Variants in GRIP1 observed in about 807,000 individuals in gnomAD.
The protein encoded by GRIP1 is glutamate receptor-interacting protein 1.
A neutral mutation model predicts 129.9 loss-of-function variants in GRIP1; 45 were observed. The ratio of observed to expected loss-of-function variants is 0.35; its 90% CI spans 0.27 to 0.44. The LOEUF is 0.44. Ranked by LOEUF, GRIP1 falls within the 20% of genes least tolerant of loss-of-function variation. The pLI, the probability that GRIP1 is intolerant of heterozygous loss-of-function variation, is 1.00. For missense variants in GRIP1, 1,196 were observed against 1,396.8 expected (o/e 0.86, Z 2.29); for synonymous variants, 530 against 520.8 (o/e 1.02, Z -0.24).
intron 11 of GRIP1, among the ~76,000 whole-genome samples, chr12:66,447,592 T>C (rs1319572615): frequency 2.0e-5 from 3 of 152,120 alleles, no homozygotes; most frequent in Admixed American, 6.5e-5. Flanking sequence ...CTTCCTTTTT[T>C]CCCCCACTAC....
chr12:66,662,612 G>C lies in GRIP1; in HGVS notation c.55+16238C>G, dbSNP rs148205576. Among the ~76,000 whole-genome samples, 3 of 152,158 alleles carry C rather than the reference G, an allele frequency of 2.0e-5. No homozygotes were observed. The East Asian group carries it at 5.8e-4, about 29-fold the overall frequency. On this transcript the variant is annotated intron_variant, in intron 1 of 24. Coordinates refer to ENST00000359742, the MANE Select transcript of GRIP1 (RefSeq NM_001366722.1). ...TCCATATTTTGTGGTATACAAGCCC[G>C]TCCCTTCCTAGGATTTGGTAAGAAC...
chr12:67,057,138 C>A (rs1356013665), intron 1 of GRIP1, among the ~76,000 whole-genome samples: 1 of 152,000 alleles, frequency 6.6e-6, no homozygotes, highest in Non-Finnish European at 1.5e-5. Context: ...TATGTGGCCC[C>A]CAAATTCATA....
intron 1 of GRIP1, among the ~76,000 whole-genome samples, chr12:67,012,431 A>G (rs987561215): frequency 1.3e-5 from 2 of 152,136 alleles, no homozygotes; most frequent in Non-Finnish European, 2.9e-5. Flanking sequence ...TCTAGGACAA[A>G]CTTTTGCATT....
intron 4 of GRIP1, among the ~76,000 whole-genome samples, chr12:66,533,609 C>T (rs4913321): frequency 0.093 from 14,086 of 152,062 alleles, 750 homozygotes; most frequent in East Asian, 0.24. Context: ...TGTGCCACTG[C>T]ACTCCGGCCT....
chr12:66,607,512 T>C (rs1349867416), intron 1 of GRIP1, among the ~76,000 whole-genome samples: 2 of 152,334 alleles, frequency 1.3e-5, no homozygotes, highest in Non-Finnish European at 2.9e-5. Flanking sequence ...GCTTACAATA[T>C]TTCAAACCTT....
At chr12:66,683,403 T>C (rs1304658525), upstream of GRIP1, among the ~76,000 whole-genome samples, 1 of 152,112 alleles carries the variant, frequency 6.6e-6, no homozygotes, top group Non-Finnish European at 1.5e-5. Flanking sequence ...TGAAGGACTA[T>C]TAAAAAAGCA....
At chr12:66,943,058 C>T (rs1020359188) in intron 1 of GRIP1, among the ~76,000 whole-genome samples, 1 of 152,050 alleles carries the variant, frequency 6.6e-6, no homozygotes, top group Non-Finnish European at 1.5e-5. Context: ...TCTAATAGCC[C>T]CAATGGACTA....
At chr12:66,409,674 G>A (rs558293229) in intron 15 of GRIP1, among the ~76,000 whole-genome samples, 15 of 152,106 alleles carry the variant, frequency 9.9e-5, no homozygotes, top group Non-Finnish European at 2.1e-4. Context: ...GAGAAAACAC[G>A]ACCTCACCAA....
chr12:66,977,700 A>C (rs182307057), intron 1 of GRIP1, among the ~76,000 whole-genome samples: 1 of 148,908 alleles, frequency 6.7e-6, no homozygotes, highest in Non-Finnish European at 1.5e-5. Flanking sequence ...TCTCATTGTT[A>C]TGTTGTTGCA....
chr12:67,026,458 TC>T (rs1387834619), intron 1 of GRIP1, among the ~76,000 whole-genome samples: 1 of 152,218 alleles, frequency 6.6e-6, no homozygotes, highest in Non-Finnish European at 1.5e-5. Flanking sequence ...AATAACCGTA[TC>T]TCCTCCCTCA....
At position 66,401,445 on chromosome 12, in the gene GRIP1, G is replaced by C. The variant is rs1197007299; in HGVS notation, c.1984+4838C>G. ...ATACAAAAAATTAGCTGGGCATGGT[G>C]GTGGACACCTGTAATCCCAGCTACT... On this transcript the variant is annotated intron_variant, in intron 16 of 24. Coordinates refer to ENST00000359742, the MANE Select transcript of GRIP1 (RefSeq NM_001366722.1). 2.6e-5 allele frequency among the ~76,000 whole-genome samples: 4 copies of C among 151,888 alleles called. No individual in the cohort carries two copies. The East Asian group carries it at 7.8e-4, about 29-fold the overall frequency.
chr12:66,802,903 A>T (rs1194372691), intron 1 of GRIP1, among the ~76,000 whole-genome samples: 1 of 152,222 alleles, frequency 6.6e-6, no homozygotes, highest in East Asian at 1.9e-4. Flanking sequence ...AAAGAGAAAC[A>T]TCTCTAAAAC....
intron 2 of GRIP1, among the ~76,000 whole-genome samples, chr12:66,577,251 G>A (rs2063169742): frequency 6.6e-6 from 1 of 152,198 alleles, no homozygotes; most frequent in African/African-American, 2.4e-5. Context: ...CCAGTGGGTA[G>A]CGGTTCAAGA....
chr12:66,908,032 T>C (rs2040964030), intron 1 of GRIP1, among the ~76,000 whole-genome samples: 1 of 152,204 alleles, frequency 6.6e-6, no homozygotes, highest in South Asian at 2.1e-4. Context: ...TCCAAAGAAG[T>C]ATCAGCATCA....
At chr12:66,534,959 G>A (rs1158712864) in intron 4 of GRIP1, among the ~76,000 whole-genome samples, 1 of 152,112 alleles carries the variant, frequency 6.6e-6, no homozygotes, top group Non-Finnish European at 1.5e-5. Context: ...CTCCCAAAGT[G>A]CTGGGATTAC....
chr12:66,433,535 T>C (rs1417814904), intron 13 of GRIP1, among the ~76,000 whole-genome samples: 1 of 152,156 alleles, frequency 6.6e-6, no homozygotes, highest in African/African-American at 2.4e-5. Flanking sequence ...ACTGGCTGAA[T>C]CTCAACGCAG....
chr12:67,067,758 A>T (rs949665529), intron 1 of GRIP1, among the ~76,000 whole-genome samples: 2 of 152,094 alleles, frequency 1.3e-5, no homozygotes, highest in Non-Finnish European at 2.9e-5. Flanking sequence ...AACTTTTAAC[A>T]TGCCCAATAA....
chr12:66,921,869 T>G lies in GRIP1; in HGVS notation c.58+147181A>C, dbSNP rs553632749. Among the ~76,000 whole-genome samples, 142 of 152,340 alleles carry G rather than the reference T, an allele frequency of 9.3e-4. 1 individual carries two copies. The highest frequency in any genetic ancestry group is 3.2e-3 in the African/African-American group (135 of 41,574). ...TTTATGAATTCAGGCCATCTTTAAC[T>G]TCTTCTAATCTTTAACTTCTCCTAA... On this transcript the variant is annotated intron_variant, in intron 1 of 1. Transcript: ENST00000643019.
chr12:66,403,315 T>C (rs372754720), intron 16 of GRIP1, among the ~76,000 whole-genome samples: 15 of 152,232 alleles, frequency 9.9e-5, no homozygotes, highest in African/African-American at 3.4e-4. Flanking sequence ...AGTTCTTATA[T>C]CATGTCTGGT....
Sources: allele counts gnomAD v4.1 joint callset (sites outside exome capture counted in the v4.1 genomes callset), GRCh38; gene constraint gnomAD v4.1.1; transcripts MANE v1.5; gene names NCBI Gene and HGNC (gene_info 2026-07-23, HGNC 2026-07-21).